CASZ1: variants seen among roughly 807,000 people sequenced by gnomAD.
CASZ1 encodes the protein zinc finger protein castor homolog 1.
Under a neutral mutation model 135.2 loss-of-function variants are expected in CASZ1, and 28 were observed. The ratio of observed to expected loss-of-function variants is 0.21; its 90% CI spans 0.15 to 0.28. CASZ1 has a LOEUF of 0.28. Among genes scored for constraint, CASZ1 ranks in the 10% least tolerant of loss-of-function variants. The pLI is 1.00. For missense variants in CASZ1, 2,161 were observed against 2,453.3 expected, an observed-to-expected ratio of 0.88 and a Z score of 2.52; for synonymous variants, 1,068 against 1,073.4, an observed-to-expected ratio of 0.99 and a Z score of 0.10.
chr1:10,642,915 G>C lies in CASZ1; in HGVS notation c.4106C>G (p.Ser1369Cys), dbSNP rs746292412. 1 of 1,613,090 alleles carries C rather than the reference G, an allele frequency of 6.2e-7. No individual in the cohort carries two copies. The highest frequency in any genetic ancestry group is 1.1e-5 in the South Asian group (1 of 91,088). The part of the protein sequence containing the change: ...CSPGAMSSES[S>C]TMDRSCSSTP... Reference sequence around the variant, plus strand: ...GCTGGAGCAGCTCCGGTCCATGGTGGATGACTCAGAGGACATGGCGCCTGG... The same window carrying C: ...GCTGGAGCAGCTCCGGTCCATGGTGCATGACTCAGAGGACATGGCGCCTGG... Residue 1369 changes from serine (S) to cysteine (C), a missense_variant, in exon 20 of 21, where the codon TCC becomes TGC. Ser to Cys is a moderately radical substitution (Grantham distance 112). Transcript: ENST00000377022.
Position 10,741,136 on chromosome 1 carries a change from T to C in CASZ1, c.-77+19565A>G, listed in dbSNP as rs1363112881. 1.3e-5 allele frequency among the ~76,000 whole-genome samples: 2 copies of C among 152,020 alleles called. No homozygotes were observed. The highest frequency in any genetic ancestry group is 2.4e-5 in the African/African-American group (1 of 41,386). On this transcript the variant is annotated intron_variant, in intron 2 of 20. Coordinates refer to ENST00000377022, the MANE Select transcript of CASZ1 (RefSeq NM_001079843.3). The surrounding 1 kb of genome is among the most constrained non-coding windows in gnomAD (Gnocchi z 5.0). The stretch of plus-strand genomic sequence containing the variant: ...GCCTCCCAAGCTGGGATTAGAGGCA[T>C]GTACCTCCAATAATTTTTGTATTTT...
At chr1:10,768,654 G>C (rs928888444) in intron 1 of CASZ1, among the ~76,000 whole-genome samples, 10 of 152,188 alleles carry the variant, frequency 6.6e-5, no homozygotes, top group Non-Finnish European at 1.2e-4. Context: ...TGCCCAGCCA[G>C]AGCCCACTGT....
At chr1:10,691,695 A>G (rs868109138) in intron 4 of CASZ1, among the ~76,000 whole-genome samples, 3 of 152,228 alleles carry the variant, frequency 2.0e-5, no homozygotes, top group Non-Finnish European at 2.9e-5. Context: ...AGCTGTTCCC[A>G]GCTCCTGAAG....
rs1639488614 is a variant in CASZ1, at chr1:10,721,077, A to G, written c.-76-15533T>C. Among the ~76,000 whole-genome samples, 1 of 152,180 alleles carries G rather than the reference A, an allele frequency of 6.6e-6. No homozygotes were observed. Among genetic ancestry groups the G allele is most frequent in the Non-Finnish European group, 1.5e-5 (1 of 68,012 alleles). ...GGGGGTCCCTTTTGTACAGGAGCCA[A>G]GCTGGGCTCCTGGGCCTCAGGCAAC... On this transcript the variant is annotated intron_variant, in intron 2 of 20. Transcript: ENST00000377022. This position sits in a 1 kb window ranked among gnomAD's most constrained non-coding sequence, Gnocchi z 5.4.
At chr1:10,748,861 C>G (rs1357700670) in intron 2 of CASZ1, among the ~76,000 whole-genome samples, 1 of 152,262 alleles carries the variant, frequency 6.6e-6, no homozygotes, top group Non-Finnish European at 1.5e-5. Flanking sequence ...TGGAGGTCTT[C>G]TCGGCAGAAG....
rs1400000869 is a variant in CASZ1, at chr1:10,757,270, G to A, written c.-77+3431C>T. On this transcript the variant is annotated intron_variant, in intron 2 of 20. Transcript: ENST00000377022. The surrounding 1 kb of genome is among the most constrained non-coding windows in gnomAD (Gnocchi z 4.6). The stretch of plus-strand genomic sequence containing the variant: ...AGAAGACACAGAGCCACAAATCCGC[G>A]GGCACAGAATGCTTGAGTCATCCTG... Among the ~76,000 whole-genome samples, 4 of 152,132 alleles carry A rather than the reference G, an allele frequency of 2.6e-5. No homozygotes were observed. In the East Asian group the frequency reaches 5.8e-4, roughly 22 times the overall value.
chr1:10,748,240 C>G (rs1640082864), intron 2 of CASZ1, among the ~76,000 whole-genome samples: 1 of 152,184 alleles, frequency 6.6e-6, no homozygotes, highest in Non-Finnish European at 1.5e-5. Flanking sequence ...GCAGGGGTGG[C>G]AGGCCGAGCC....
At chr1:10,734,669 A>T (rs142154478) in intron 2 of CASZ1, among the ~76,000 whole-genome samples, 14 of 152,298 alleles carry the variant, frequency 9.2e-5, no homozygotes, top group African/African-American at 3.1e-4. Context: ...AAAAAAAGAG[A>T]GAGAGAAAGA....
At chr1:10,672,115 C>T (rs1049888090) in intron 4 of CASZ1, among the ~76,000 whole-genome samples, 16 of 152,196 alleles carry the variant, frequency 1.1e-4, no homozygotes, top group Non-Finnish European at 1.6e-4. Flanking sequence ...GAGGCCTCCC[C>T]GGCTCACCCG....
chr1:10,738,779 C>T (rs971866625), intron 2 of CASZ1, among the ~76,000 whole-genome samples: 5 of 152,228 alleles, frequency 3.3e-5, no homozygotes, highest in African/African-American at 1.2e-4. Context: ...AAAGGCTCTT[C>T]TCTCTTCCAC....
At position 10,707,556 on chromosome 1, in the gene CASZ1, G is replaced by A. The variant is rs74761149; in HGVS notation, c.-76-2012C>T. Among the ~76,000 whole-genome samples, 99 of 152,244 alleles carry A rather than the reference G, an allele frequency of 6.5e-4. 1 individual carries two copies. The East Asian group carries it at 0.018, about 27-fold the overall frequency. ...GGGTGGAGGAGGGAGGGGAGGGCCA[G>A]AGATGTGTACGTACAGGGACCAGGA... On this transcript the variant is annotated intron_variant, in intron 2 of 20. Coordinates refer to ENST00000377022, the MANE Select transcript of CASZ1 (RefSeq NM_001079843.3). The surrounding 1 kb of genome is among the most constrained non-coding windows in gnomAD (Gnocchi z 5.0).
At chr1:10,729,568 G>A (rs929015249) in intron 2 of CASZ1, among the ~76,000 whole-genome samples, 1 of 152,232 alleles carries the variant, frequency 6.6e-6, no homozygotes, top group Non-Finnish European at 1.5e-5. Context: ...GGGGCTTAGG[G>A]GAGCAGTTCG....
intron 2 of CASZ1, among the ~76,000 whole-genome samples, chr1:10,718,697 C>T (rs1049844150): frequency 5.3e-5 from 8 of 152,182 alleles, no homozygotes; most frequent in African/African-American, 1.7e-4. Flanking sequence ...GAGACCCTGC[C>T]GGAGTCCTGA....
In CASZ1 at chr1:10,647,740, C is replaced by G; in HGVS notation, c.3497+61G>C. ...GGAACAGGGCCTCCTAGCGCCCTTG[C>G]TAGCACCTACTCCCGAGACGCGAGG... On this transcript the variant is annotated intron_variant, in intron 16 of 20. Coordinates refer to ENST00000377022, the MANE Select transcript of CASZ1 (RefSeq NM_001079843.3). This position sits in a 1 kb window ranked among gnomAD's most constrained non-coding sequence, Gnocchi z 4.9. The G allele has an allele frequency of 6.2e-7, 1 of 1,605,464 alleles. No homozygotes were observed. The highest frequency in any genetic ancestry group is 8.5e-7 in the Non-Finnish European group (1 of 1,179,452).
Position 10,641,255 on chromosome 1 carries a change from G to A in CASZ1, c.4163-1196C>T, listed in dbSNP as rs540519752. Reference sequence around the variant, plus strand: ...GCCCAAAACCTGGTGGGTGAGGAGCGGCTTTGGGTCTGAAGTCACAGGGTC... The same window carrying A: ...GCCCAAAACCTGGTGGGTGAGGAGCAGCTTTGGGTCTGAAGTCACAGGGTC... On this transcript the variant is annotated intron_variant, in intron 20 of 20. Coordinates refer to ENST00000377022, the MANE Select transcript of CASZ1 (RefSeq NM_001079843.3). Among the ~76,000 whole-genome samples, 364 of 152,388 alleles carry A rather than the reference G, an allele frequency of 2.4e-3. 1 individual carries two copies. The highest frequency in any genetic ancestry group is 8.4e-3 in the African/African-American group (350 of 41,592).
intron 4 of CASZ1, among the ~76,000 whole-genome samples, chr1:10,682,729 CCTT>C (rs1249879183): frequency 1.3e-5 from 2 of 152,242 alleles, no homozygotes; most frequent in East Asian, 3.9e-4. Context: ...ATCTCCATCT[CCTT>C]CTCTGGGCTC....
At position 10,727,971 on chromosome 1, in the gene CASZ1, T is replaced by C. The variant is rs1371845118; in HGVS notation, c.-76-22427A>G. Among the ~76,000 whole-genome samples the C allele has an allele frequency of 1.3e-5, 2 of 152,226 alleles. No individual in the cohort carries two copies. The highest frequency in any genetic ancestry group is 4.8e-5 in the African/African-American group (2 of 41,474). On this transcript the variant is annotated intron_variant, in intron 2 of 20. Coordinates refer to ENST00000377022, the MANE Select transcript of CASZ1 (RefSeq NM_001079843.3). This position sits in a 1 kb window ranked among gnomAD's most constrained non-coding sequence, Gnocchi z 5.3. ...GGCGCGATGCCACGTGCCCAGAAAC[T>C]GGGCATCTGCTGGCACAGCAGCACG...
chr1:10,764,866 G>A (rs1029749139), intron 1 of CASZ1, among the ~76,000 whole-genome samples: 21 of 152,330 alleles, frequency 1.4e-4, no homozygotes, highest in African/African-American at 5.1e-4. Flanking sequence ...CCGGCGAGCA[G>A]GATGAACCCC....
chr1:10,706,128 C>T lies in CASZ1; in HGVS notation c.-76-584G>A, dbSNP rs1639167900. ...TCAGGCTGCCGACAGCACCTTCCAC[C>T]CCGGGGTCCTACCCATGAGTCATCA... On this transcript the variant is annotated intron_variant, in intron 2 of 20. Coordinates refer to ENST00000377022, the MANE Select transcript of CASZ1 (RefSeq NM_001079843.3). The surrounding 1 kb of genome is among the most constrained non-coding windows in gnomAD (Gnocchi z 4.3). 6.6e-6 allele frequency among the ~76,000 whole-genome samples: 1 copy of T among 152,256 alleles called. No individual in the cohort carries two copies. The highest frequency in any genetic ancestry group is 2.4e-5 in the African/African-American group (1 of 41,474).
Sources: gnomAD v4.1 joint callset for allele counts (sites outside exome capture counted in the v4.1 genomes callset) on GRCh38, gnomAD v4.1.1 for gene constraint, Gnocchi (gnomAD v3.1) non-coding constraint, MANE v1.5 for transcripts, NCBI Gene and HGNC (gene_info 2026-07-23, HGNC 2026-07-21) for gene names.